Variants in SLC7A11 observed in about 807,000 individuals in gnomAD.
The protein encoded by SLC7A11 is solute carrier family 7 member 11.
A neutral mutation model predicts 54.5 loss-of-function variants in SLC7A11; 35 were observed. That is an observed-to-expected ratio of 0.64 (90% CI 0.49 to 0.85). SLC7A11 has a LOEUF of 0.85. SLC7A11 is among the 40% of genes least tolerant of loss of function. The pLI, the probability that SLC7A11 is intolerant of heterozygous loss-of-function variation, is 0.00. For missense variants in SLC7A11, 583 were observed against 618.1 expected, an observed-to-expected ratio of 0.94 and a Z score of 0.60; for synonymous variants, 230 against 225.2, an observed-to-expected ratio of 1.02 and a Z score of -0.19.
chr4:138,236,391 T>C lies in SLC7A11; in HGVS notation c.338A>G (p.Tyr113Cys). Residue 113 changes from tyrosine to cysteine, a missense_variant, in exon 2 of 12, where the codon TAT becomes TGT. Transcript: ENST00000280612. ...TAATGGACCAAAGACTTCCAAAATA[T>C]ATGTGTAATGACCTCCAGATTTCTT... is the stretch of plus-strand genomic sequence containing the variant. ...TIKKSGGHYT[Y>C]ILEVFGPLPA... 1.2e-5 allele frequency: 19 copies of C among 1,613,372 alleles called. No homozygotes were observed. The highest frequency in any genetic ancestry group is 1.4e-5 in the Non-Finnish European group (17 of 1,179,404).
At chr4:138,222,627 C>A (rs186166575) in intron 4 of SLC7A11, among the ~76,000 whole-genome samples, 1 of 151,968 alleles carries the variant, frequency 6.6e-6, no homozygotes, top group South Asian at 2.1e-4. Context: ...CGCAGAAATG[C>A]GAATTTTATA....
chr4:138,170,812 G>A lies in SLC7A11; in HGVS notation c.*1144C>T, dbSNP rs569371321. 4.6e-5 allele frequency: 7 copies of A among 152,164 alleles called. No homozygotes were observed. Among genetic ancestry groups the A allele is most frequent in the Middle Eastern group, 3.4e-3 (1 of 294 alleles). 9.4% of individuals were successfully genotyped at this position (152,164 alleles called of 1,614,324 possible). ...ATCAGTTGTAAATCTTATTTACAGC[G>A]ACATTTCTTTTGCAATTTTTATGTT... On this transcript the variant is annotated 3_prime_UTR_variant, in exon 12 of 12. Transcript: ENST00000280612.
chr4:138,172,082 T>C, intron 11 of SLC7A11, 65 bp from the exon 12 acceptor site: 1 of 1,494,838 alleles, frequency 6.7e-7, no homozygotes, highest in Non-Finnish European at 9.0e-7. Context: ...AATAGCAAAA[T>C]ATGAATTATT....
At chr4:138,186,175 G>A (rs962812316) in intron 6 of SLC7A11, among the ~76,000 whole-genome samples, 5 of 152,002 alleles carry the variant, frequency 3.3e-5, no homozygotes, top group Non-Finnish European at 5.9e-5. Context: ...TAACATAATC[G>A]CCTCTTCAGA....
intron 6 of SLC7A11, among the ~76,000 whole-genome samples, chr4:138,194,946 A>G (rs1737096862): frequency 6.6e-6 from 1 of 152,228 alleles, no homozygotes; most frequent in African/African-American, 2.4e-5. Flanking sequence ...CTCATGTAAC[A>G]GAGCATCCTA....
chr4:138,208,495 G>C (rs950348614), intron 6 of SLC7A11, among the ~76,000 whole-genome samples: 2 of 151,326 alleles, frequency 1.3e-5, no homozygotes, highest in African/African-American at 4.8e-5. Flanking sequence ...TTTGCACTGT[G>C]TAACTTTTTG....
chr4:138,230,905 G>C (rs916463546), intron 3 of SLC7A11, among the ~76,000 whole-genome samples: 3 of 152,110 alleles, frequency 2.0e-5, no homozygotes, highest in African/African-American at 7.2e-5. Flanking sequence ...TAAGTGAGGG[G>C]CTGGAAATAC....
intron 2 of SLC7A11, among the ~76,000 whole-genome samples, chr4:138,233,605 C>A (rs1738135344): frequency 6.6e-6 from 1 of 152,172 alleles, no homozygotes; most frequent in African/African-American, 2.4e-5. Context: ...ATGTTCCCAA[C>A]TTTGGCCGGC....
At chr4:138,206,381 TTA>T (rs10659044) in intron 6 of SLC7A11, among the ~76,000 whole-genome samples, 1,651 of 145,124 alleles carry the variant, frequency 0.011, 11 homozygotes, top group African/African-American at 0.021. Context: ...TCAATGAGAT[TTA>T]TATATATATA....
At chr4:138,207,646 G>A (rs1323844380) in intron 6 of SLC7A11, among the ~76,000 whole-genome samples, 1 of 152,138 alleles carries the variant, frequency 6.6e-6, no homozygotes, top group Admixed American at 6.6e-5. Flanking sequence ...TGGAGTTGCA[G>A]TGAGCCAAGA....
chr4:138,212,118 G>A (rs879466470), intron 6 of SLC7A11, among the ~76,000 whole-genome samples: 5 of 151,852 alleles, frequency 3.3e-5, no homozygotes, highest in East Asian at 1.9e-4. Flanking sequence ...TGCATGCATC[G>A]AGATAGCATA....
At chr4:138,220,382 T>C (rs1259802214) in intron 4 of SLC7A11, among the ~76,000 whole-genome samples, 1 of 152,034 alleles carries the variant, frequency 6.6e-6, no homozygotes, top group African/African-American at 2.4e-5. Flanking sequence ...GCTTGAAAAA[T>C]TGAAAATATT....
chr4:138,235,484 T>C (rs1043318122), intron 2 of SLC7A11, among the ~76,000 whole-genome samples: 19 of 152,160 alleles, frequency 1.2e-4, no homozygotes, highest in African/African-American at 4.6e-4. Flanking sequence ...ATTTGGCACT[T>C]AGCCATAAAA....
Position 138,165,056 on chromosome 4 carries a change from A to AGAT in SLC7A11, c.*6897_*6899dup, listed in dbSNP as rs1380559531. ...ATGAAAAATATTTAAATACATTCAT[A>AGAT]GATAGTACCTAATAATATGTTAACA... On this transcript the variant is annotated 3_prime_UTR_variant, in exon 12 of 12. Coordinates refer to ENST00000280612, the MANE Select transcript of SLC7A11 (RefSeq NM_014331.4). 1.3e-5 allele frequency: 2 copies of AGAT among 152,490 alleles called. No individual in the cohort carries two copies. The highest frequency in any genetic ancestry group is 2.4e-5 in the African/African-American group (1 of 41,466). The allele number at this position is 152,490 out of a possible 1,614,324, so 9.4% of individuals were successfully genotyped here. A position where few individuals can be genotyped will look rare whatever the true frequency, so the allele number is the denominator to read the frequency against.
intron 5 of SLC7A11, among the ~76,000 whole-genome samples, chr4:138,218,433 C>T (rs544946123): frequency 6.6e-6 from 1 of 152,152 alleles, no homozygotes; most frequent in South Asian, 2.1e-4. Flanking sequence ...TTAAATAATA[C>T]CTTGTAGGCT....
At chr4:138,221,600 T>C (rs766167587) in intron 4 of SLC7A11, among the ~76,000 whole-genome samples, 1 of 152,184 alleles carries the variant, frequency 6.6e-6, no homozygotes, top group Non-Finnish European at 1.5e-5. Context: ...CATTAAGCAT[T>C]GATATCATGA....
At chr4:138,190,582 T>C (rs967331995) in intron 6 of SLC7A11, among the ~76,000 whole-genome samples, 3 of 152,156 alleles carry the variant, frequency 2.0e-5, no homozygotes, top group Non-Finnish European at 4.4e-5. Context: ...AAGTACTCTA[T>C]CTTATTACCA....
intron 9 of SLC7A11, 143 bp from the exon 10 acceptor site, chr4:138,180,933 A>T: frequency 1.3e-6 from 1 of 776,834 alleles, no homozygotes; most frequent in Non-Finnish European, 2.0e-6. Context: ...CTTGGATTTG[A>T]CTAATCTCTT....
At chr4:138,235,578 C>T (rs1250918021) in intron 2 of SLC7A11, among the ~76,000 whole-genome samples, 1 of 152,126 alleles carries the variant, frequency 6.6e-6, no homozygotes, top group Non-Finnish European at 1.5e-5. Context: ...ATTCTGTAAT[C>T]AGACTGTGCA....
Sources: gnomAD v4.1 joint callset for allele counts (sites outside exome capture counted in the v4.1 genomes callset) on GRCh38, gnomAD v4.1.1 for gene constraint, MANE v1.5 for transcripts, NCBI Gene and HGNC (gene_info 2026-07-23, HGNC 2026-07-21) for gene names.